The following DLG2 variants were observed in gnomAD, a reference collection of about 807,000 sequenced individuals.
DLG2 encodes disks large homolog 2.
A neutral mutation model predicts 132.5 loss-of-function variants in DLG2; 45 were observed. The observed-to-expected ratio is 0.34, with a 90% CI of 0.27 to 0.44. The LOEUF (loss-of-function observed/expected upper bound fraction) is 0.44. Ranked by LOEUF, DLG2 falls within the 20% of genes least tolerant of loss-of-function variation. The pLI, the probability that DLG2 is intolerant of heterozygous loss-of-function variation, is 1.00. For missense variants in DLG2, 1,045 were observed against 1,196.9 expected, an observed-to-expected ratio of 0.87 and a Z score of 1.87; for synonymous variants, 424 against 419.6, an observed-to-expected ratio of 1.01 and a Z score of -0.13.
intron 6 of DLG2, among the ~76,000 whole-genome samples, chr11:84,715,938 T>G (rs1305494478): frequency 6.6e-6 from 1 of 152,098 alleles, no homozygotes; most frequent in Non-Finnish European, 1.5e-5. Flanking sequence ...AAAAGGGGAT[T>G]GCTAGGTTAT....
chr11:83,666,715 T>C (rs1202466745), intron 18 of DLG2, among the ~76,000 whole-genome samples: 3 of 152,166 alleles, frequency 2.0e-5, no homozygotes, highest in Non-Finnish European at 4.4e-5. Flanking sequence ...AATAAAGTGA[T>C]CCTTGTACCA....
At chr11:84,949,750 A>G (rs1239539169) in intron 6 of DLG2, among the ~76,000 whole-genome samples, 1 of 152,180 alleles carries the variant, frequency 6.6e-6, no homozygotes, top group Non-Finnish European at 1.5e-5. Context: ...GGGTGCCCAC[A>G]TTTCATATTG....
At chr11:84,644,172 G>T (rs2099671596) in intron 6 of DLG2, among the ~76,000 whole-genome samples, 1 of 152,028 alleles carries the variant, frequency 6.6e-6, no homozygotes, top group African/African-American at 2.4e-5. Context: ...GGCTGAGATG[G>T]GTCTTTTCAA....
Position 83,878,263 on chromosome 11 carries a change from G to C in DLG2, c.1497-3775C>G, listed in dbSNP as rs1296966834. Among the ~76,000 whole-genome samples, 3 of 152,120 alleles carry C rather than the reference G, an allele frequency of 2.0e-5. No homozygotes were observed. The East Asian group carries it at 5.8e-4, about 29-fold the overall frequency. ...TCTATACATTCGCAGCTCAGGGTTG[G>C]CACACAAAAGACCCTTCATCAATGT... On this transcript the variant is annotated intron_variant, in intron 15 of 27. Coordinates refer to ENST00000376104, the MANE Select transcript of DLG2 (RefSeq NM_001142699.3).
At chr11:83,956,467 A>T (rs895740761) in intron 14 of DLG2, among the ~76,000 whole-genome samples, 2 of 152,232 alleles carry the variant, frequency 1.3e-5, no homozygotes, top group African/African-American at 4.8e-5. Flanking sequence ...TCCAGGAGAC[A>T]TGCCTTGTCT....
At chr11:84,064,804 T>C (rs931304898) in intron 10 of DLG2, among the ~76,000 whole-genome samples, 1 of 152,082 alleles carries the variant, frequency 6.6e-6, no homozygotes, top group Non-Finnish European at 1.5e-5. Flanking sequence ...AAGAAAAGAA[T>C]GGGATTTTCA....
At chr11:84,944,868 G>C (rs187534520) in intron 6 of DLG2, among the ~76,000 whole-genome samples, 1 of 152,304 alleles carries the variant, frequency 6.6e-6, no homozygotes, top group African/African-American at 2.4e-5. Flanking sequence ...CTCCCAAAGT[G>C]CTGGGATTAC....
intron 9 of DLG2, among the ~76,000 whole-genome samples, chr11:84,150,061 T>C (rs1280175405): frequency 6.6e-6 from 1 of 152,154 alleles, no homozygotes; most frequent in East Asian, 1.9e-4. Context: ...CAGCCACATA[T>C]GGATTTTAGA....
intron 6 of DLG2, among the ~76,000 whole-genome samples, chr11:84,753,007 A>G (rs928127802): frequency 1.3e-5 from 2 of 152,140 alleles, no homozygotes; most frequent in African/African-American, 4.8e-5. Flanking sequence ...AAACTACTCA[A>G]AGAGGTCTTT....
At chr11:84,385,800 T>C (rs1400392276) in intron 7 of DLG2, among the ~76,000 whole-genome samples, 1 of 152,146 alleles carries the variant, frequency 6.6e-6, no homozygotes, top group East Asian at 1.9e-4. Context: ...AATTGCTCGA[T>C]AAATCTTAAA....
chr11:84,259,460 G>T (rs573160378), intron 7 of DLG2, among the ~76,000 whole-genome samples: 1 of 152,082 alleles, frequency 6.6e-6, no homozygotes, highest in East Asian at 1.9e-4. Flanking sequence ...CACCTGCTTT[G>T]CCCCTGCTCT....
chr11:85,454,134 T>C (rs2092342922), intron 3 of DLG2, among the ~76,000 whole-genome samples: 1 of 151,170 alleles, frequency 6.6e-6, no homozygotes, highest in Non-Finnish European at 1.5e-5. Flanking sequence ...ATGGCATATA[T>C]GTACCACATT....
At chr11:85,483,440 T>C (rs1337355647) in intron 3 of DLG2, among the ~76,000 whole-genome samples, 1 of 152,126 alleles carries the variant, frequency 6.6e-6, no homozygotes, top group African/African-American at 2.4e-5. Context: ...CTAAGGGAGT[T>C]TATCACCAAC....
chr11:85,135,726 A>C (rs2076097344), intron 5 of DLG2, among the ~76,000 whole-genome samples: 1 of 152,252 alleles, frequency 6.6e-6, no homozygotes, highest in Non-Finnish European at 1.5e-5. Flanking sequence ...TGCACTCCTT[A>C]AAGATAGTTT....
At chr11:85,409,288 T>C (rs1447030748) in intron 3 of DLG2, among the ~76,000 whole-genome samples, 3 of 151,888 alleles carry the variant, frequency 2.0e-5, no homozygotes, top group Non-Finnish European at 4.4e-5. Flanking sequence ...GGTTTACATG[T>C]AATCTGGTTC....
intron 11 of DLG2, among the ~76,000 whole-genome samples, chr11:84,037,835 C>T (rs189631034): frequency 4.6e-5 from 7 of 152,104 alleles, no homozygotes; most frequent in African/African-American, 1.4e-4. Context: ...TTTCTATTAA[C>T]TGGTTATAAT....
At chr11:83,888,092 C>T (rs1179838341) in intron 15 of DLG2, among the ~76,000 whole-genome samples, 3 of 148,654 alleles carry the variant, frequency 2.0e-5, no homozygotes, top group Non-Finnish European at 3.0e-5. Flanking sequence ...GTTGGAAGTT[C>T]TGGCCAGGGC....
intron 18 of DLG2, chr11:83,724,932 T>A (rs1278017968): frequency 2.8e-6 from 2 of 702,284 alleles, no homozygotes; most frequent in East Asian, 5.4e-5. Flanking sequence ...TGTTCCCTCC[T>A]CCTGGTTGAG....
intron 5 of DLG2, among the ~76,000 whole-genome samples, chr11:85,150,671 G>A (rs1038216366): frequency 1.3e-5 from 2 of 150,010 alleles, no homozygotes; most frequent in African/African-American, 4.9e-5. Flanking sequence ...GCATATGATA[G>A]GATTTCCTTT....
Sources: gnomAD v4.1 joint callset for allele counts (sites outside exome capture counted in the v4.1 genomes callset) on GRCh38, gnomAD v4.1.1 for gene constraint, MANE v1.5 for transcripts, NCBI Gene and HGNC (gene_info 2026-07-23, HGNC 2026-07-21) for gene names.